Variants in SV2B observed in about 807,000 individuals in gnomAD.
The protein encoded by SV2B is synaptic vesicle glycoprotein 2B.
SV2B carries 41 observed loss-of-function variants against 73.9 expected under a neutral mutation model. The ratio of observed to expected loss-of-function variants is 0.56; its 90% CI spans 0.43 to 0.72. SV2B has a LOEUF of 0.72. Among genes scored for constraint, SV2B ranks in the 30% least tolerant of loss-of-function variants. The probability of loss-of-function intolerance (pLI) is 0.00; values close to 1 mark genes in which losing one functional copy is unlikely to be tolerated. For missense variants in SV2B, 764 were observed against 857.8 expected, an observed-to-expected ratio of 0.89 and a Z score of 1.37; for synonymous variants, 314 against 314.2, an observed-to-expected ratio of 1.00 and a Z score of 0.01.
At chr15:91,208,377 CCCCACCCTTGAAAATAA>C (rs2045723582) in intron 1 of SV2B, among the ~76,000 whole-genome samples, 1 of 152,112 alleles carries the variant, frequency 6.6e-6, no homozygotes, top group Non-Finnish European at 1.5e-5. Context: ...AGTGTTTTCC[CCCCACCCTTGAAAATAA>C]AACAACATGA....
rs1021771197 is a variant in SV2B, at chr15:91,242,794, G to A, written c.452-9025G>A. Among the ~76,000 whole-genome samples, 1 of 152,124 alleles carries A rather than the reference G, an allele frequency of 6.6e-6. No homozygotes were observed. The highest frequency in any genetic ancestry group is 1.5e-5 in the Non-Finnish European group (1 of 68,020). On this transcript the variant is annotated intron_variant, in intron 2 of 12. Coordinates refer to ENST00000394232, the MANE Select transcript of SV2B (RefSeq NM_001323032.3). This position sits in a 1 kb window ranked among gnomAD's most constrained non-coding sequence, Gnocchi z 4.9. The stretch of plus-strand genomic sequence containing the variant: ...TCACTTTCTGAACATGCTATTAAAG[G>A]CTGCACAAATCTCTGTCACACAGGG...
In SV2B at chr15:91,245,848, C is replaced by T. The variant is rs530612366; in HGVS notation, c.452-5971C>T. On this transcript the variant is annotated intron_variant, in intron 2 of 12. Coordinates refer to ENST00000394232, the MANE Select transcript of SV2B (RefSeq NM_001323032.3). The surrounding 1 kb of genome is among the most constrained non-coding windows in gnomAD (Gnocchi z 4.2). The stretch of plus-strand genomic sequence containing the variant: ...CAAACTGTGGTCTACAAACCTATGA[C>T]CAATTTTTTTTTTAACATTTTTAAA... Among the ~76,000 whole-genome samples, 1 of 151,916 alleles carries T rather than the reference C, an allele frequency of 6.6e-6. No individual in the cohort carries two copies. Among genetic ancestry groups the T allele is most frequent in the Admixed American group, 6.6e-5 (1 of 15,264 alleles).
Position 91,290,880 on chromosome 15 carries a change from G to C in SV2B, c.1868+1200G>C, listed in dbSNP as rs777183612. Among the ~76,000 whole-genome samples the C allele has an allele frequency of 7.3e-4, 111 of 152,098 alleles. 1 individual carries two copies. The Middle Eastern group carries it at 0.038, about 52-fold the overall frequency. ...TATTAGACAATTAGCCAGGCATAGT[G>C]GCATGTGCCTGTAGTCCTAGCTGCT... On this transcript the variant is annotated intron_variant, in intron 12 of 12. Transcript: ENST00000394232. This position sits in a 1 kb window ranked among gnomAD's most constrained non-coding sequence, Gnocchi z 4.7.
chr15:91,256,537 C>T (rs188842656), intron 4 of SV2B, among the ~76,000 whole-genome samples: 5 of 152,246 alleles, frequency 3.3e-5, no homozygotes, highest in South Asian at 2.1e-4. Flanking sequence ...AGTTTTTGCA[C>T]GTGAGCTGAG....
At chr15:91,181,416 C>G (rs1040156460) in intron 1 of SV2B, among the ~76,000 whole-genome samples, 8 of 152,162 alleles carry the variant, frequency 5.3e-5, no homozygotes, top group African/African-American at 1.7e-4. Context: ...AAACACTGCT[C>G]TCTTCAAAGC....
At position 91,292,888 on chromosome 15, in the gene SV2B, G is replaced by A. The variant is rs2387107; in HGVS notation, c.*336G>A. ...AGTCAAGTGCAAGGACTTAACTTGC[G>A]TTTGAAAAGGAATTAGAGGGTCAGA... is the stretch of plus-strand genomic sequence containing the variant. On this transcript the variant is annotated 3_prime_UTR_variant, in exon 13 of 13. Coordinates refer to ENST00000394232, the MANE Select transcript of SV2B (RefSeq NM_001323032.3). The A allele has an allele frequency of 0.043, 7,953 of 184,062 alleles. 528 individuals carry two copies. The highest frequency in any genetic ancestry group is 0.15 in the African/African-American group (6,367 of 42,964). The allele number at this position is 184,062 out of a possible 1,614,324, so 11.4% of individuals were successfully genotyped here.
intron 9 of SV2B, among the ~76,000 whole-genome samples, chr15:91,275,255 T>C (rs551566853): frequency 1.7e-4 from 26 of 152,324 alleles, no homozygotes; most frequent in African/African-American, 6.3e-4. Context: ...CCATTTTACG[T>C]TCACTATTGG....
rs1259424090 is a variant in SV2B at position 91,297,537 on chromosome 15, C to G, written c.*4985C>G. On this transcript the variant is annotated 3_prime_UTR_variant, in exon 13 of 13. Transcript: ENST00000394232. This position sits in a 1 kb window ranked among gnomAD's most constrained non-coding sequence, Gnocchi z 5.1. ...GGGGATTTGGAATCTGGGGTGGGGT[C>G]TGAAGAATCTGCATTTTTTAACAAA... 6.6e-6 allele frequency: 1 copy of G among 152,156 alleles called. No homozygotes were observed. Among genetic ancestry groups the G allele is most frequent in the Non-Finnish European group, 1.5e-5 (1 of 68,026 alleles). The allele number at this position is 152,156 out of a possible 1,614,324, so 9.4% of individuals were successfully genotyped here.
intron 1 of SV2B, among the ~76,000 whole-genome samples, chr15:91,209,708 C>T (rs2045785477): frequency 1.3e-5 from 2 of 152,156 alleles, no homozygotes; most frequent in South Asian, 2.1e-4. Context: ...TGACGTTGGG[C>T]AAATCTCTTG....
Position 91,278,678 on chromosome 15 carries a change from C to CAAAA in SV2B, c.1374-3032_1374-3029dup, listed in dbSNP as rs746732650. ...TGGGCGACAGAGCGAGACTCCGTCTCAAAAAAAAAAAAAAAAAAAAAGAAG... is the reference window on the plus strand; with the variant it reads ...TGGGCGACAGAGCGAGACTCCGTCTCAAAAAAAAAAAAAAAAAAAAAAAAAGAAG... On this transcript the variant is annotated intron_variant, in intron 9 of 12. Coordinates refer to ENST00000394232, the MANE Select transcript of SV2B (RefSeq NM_001323032.3). 8.5e-4 allele frequency among the ~76,000 whole-genome samples: 36 copies of CAAAA among 42,406 alleles called. 1 individual carries two copies. Among genetic ancestry groups the CAAAA allele is most frequent in the African/African-American group, 1.9e-3 (15 of 7,870 alleles). 27.8% of individuals were successfully genotyped at this position (42,406 alleles called of 152,430 possible).
At position 91,281,600 on chromosome 15, in the gene SV2B, G is replaced by A. The variant is rs763858185; in HGVS notation, c.1374-128G>A. 1.2e-4 allele frequency: 135 copies of A among 1,123,372 alleles called. No individual in the cohort carries two copies. The African/African-American group carries it at 1.9e-3, about 16-fold the overall frequency. 69.6% of individuals were successfully genotyped at this position (1,123,372 alleles called of 1,614,324 possible). A position where few individuals can be genotyped will look rare whatever the true frequency, so the allele number is the denominator to read the frequency against. On this transcript the variant is annotated intron_variant, in intron 9 of 12. Coordinates refer to ENST00000394232, the MANE Select transcript of SV2B (RefSeq NM_001323032.3). This position sits in a 1 kb window ranked among gnomAD's most constrained non-coding sequence, Gnocchi z 4.7. ...GCTAAGAAGTGGGGAAGTGGTCTGG[G>A]TTGAAAATAATGCTCTGGCACCTTT...
chr15:91,127,858 C>G (rs1416587612), intron 1 of SV2B, among the ~76,000 whole-genome samples: 1 of 152,134 alleles, frequency 6.6e-6, no homozygotes, highest in Non-Finnish European at 1.5e-5. Context: ...GCTAATTTTG[C>G]AAAGCTATGC....
At chr15:91,178,169 G>T (rs939870225) in intron 1 of SV2B, among the ~76,000 whole-genome samples, 3 of 151,418 alleles carry the variant, frequency 2.0e-5, no homozygotes, top group African/African-American at 7.3e-5. Context: ...TTTGTCTTTG[G>T]TTCTGTTTAT....
At position 91,242,176 on chromosome 15, in the gene SV2B, T is replaced by C. The variant is rs1015025069; in HGVS notation, c.452-9643T>C. ...CTAAGCTACCTCTGTCTCCTCGTTT[T>C]CCACCTGCCCATTGGCTGCTCCTTC... On this transcript the variant is annotated intron_variant, in intron 2 of 12. Coordinates refer to ENST00000394232, the MANE Select transcript of SV2B (RefSeq NM_001323032.3). This position sits in a 1 kb window ranked among gnomAD's most constrained non-coding sequence, Gnocchi z 4.9. Among the ~76,000 whole-genome samples, 1 of 152,168 alleles carries C rather than the reference T, an allele frequency of 6.6e-6. No homozygotes were observed. The highest frequency in any genetic ancestry group is 1.5e-5 in the Non-Finnish European group (1 of 68,020).
intron 1 of SV2B, among the ~76,000 whole-genome samples, chr15:91,164,946 C>G (rs945179097): frequency 1.9e-4 from 29 of 152,168 alleles, no homozygotes; most frequent in African/African-American, 7.0e-4. Flanking sequence ...CTAAACATTA[C>G]AAAATTATGG....
At chr15:91,181,236 CTGAT>C (rs1482889796) in intron 1 of SV2B, among the ~76,000 whole-genome samples, 1 of 152,140 alleles carries the variant, frequency 6.6e-6, no homozygotes, top group Admixed American at 6.6e-5. Context: ...ATGCTGCTGT[CTGAT>C]TGTTCCTCTG....
At chr15:91,189,036 G>A (rs1197194971) in intron 1 of SV2B, among the ~76,000 whole-genome samples, 1 of 152,002 alleles carries the variant, frequency 6.6e-6, no homozygotes, top group Non-Finnish European at 1.5e-5. Flanking sequence ...ATGTTGGTCA[G>A]GCGGGTCTCA....
rs2048635165 is a variant in SV2B at position 91,280,039 on chromosome 15, G to T, written c.1374-1689G>T. ...TATAATAATCTGGTCTCTGCCATTG[G>T]TGATTCTGGTTCAAGAGGTGTAGGC... On this transcript the variant is annotated intron_variant, in intron 9 of 12. Transcript: ENST00000394232. The surrounding 1 kb of genome is among the most constrained non-coding windows in gnomAD (Gnocchi z 5.8). Among the ~76,000 whole-genome samples the T allele has an allele frequency of 6.6e-6, 1 of 152,200 alleles. No homozygotes were observed.
chr15:91,176,387 G>C (rs368430212), intron 1 of SV2B, among the ~76,000 whole-genome samples: 1 of 151,356 alleles, frequency 6.6e-6, no homozygotes, highest in African/African-American at 2.4e-5. Context: ...ATGATTTATA[G>C]TCCTTTGGGT....
Sources: allele counts gnomAD v4.1 joint callset (sites outside exome capture counted in the v4.1 genomes callset), GRCh38; gene constraint gnomAD v4.1.1; non-coding constraint Gnocchi (gnomAD v3.1); transcripts MANE v1.5; gene names NCBI Gene and HGNC (gene_info 2026-07-23, HGNC 2026-07-21).